The following SPECC1 variants were observed in gnomAD, a reference collection of about 807,000 sequenced individuals.
SPECC1 encodes cytospin-B.
SPECC1 carries 62 observed loss-of-function variants against 104.1 expected under a neutral mutation model. The ratio of observed to expected loss-of-function variants is 0.60; its 90% confidence interval spans 0.49 to 0.74. The LOEUF (loss-of-function observed/expected upper bound fraction) is 0.74, where lower values mean the gene tolerates loss of function less well. Among genes scored for constraint, SPECC1 ranks in the 30% least tolerant of loss-of-function variants. SPECC1 has a pLI of 0.00. For synonymous variants in SPECC1, 513 were observed against 501.6 expected, an observed-to-expected ratio of 1.02 and a Z score of -0.30; for missense variants, 1,306 against 1,310.5, an observed-to-expected ratio of 1.00 and a Z score of 0.05.
intron 3 of SPECC1, among the ~76,000 whole-genome samples, chr17:20,136,238 A>G (rs1337425687): frequency 6.6e-6 from 1 of 152,110 alleles, no homozygotes; most frequent in African/African-American, 2.4e-5. Flanking sequence ...ATCCTGACCA[A>G]CATAGTGAAA....
At chr17:20,210,156 C>A (rs180982508) in intron 4 of SPECC1, among the ~76,000 whole-genome samples, 140 of 152,260 alleles carry the variant, frequency 9.2e-4, no homozygotes, top group African/African-American at 3.2e-3. Context: ...AATAGATGAT[C>A]CTGTAGCTGT....
rs772201964 is a variant in SPECC1 at position 20,260,301 on chromosome 17, GA to G, written c.2940+8del. On this transcript the variant is annotated splice_region_variant and intron_variant, in intron 12 of 14. Coordinates refer to ENST00000395527, the MANE Select transcript of SPECC1 (RefSeq NM_001243439.2). ...GAAGACACAAGGTTATGCGGTAAGG[GA>G]CAACATCAGCCAACTTCCAGCTGCC... is the stretch of plus-strand genomic sequence containing the variant. 3 of 1,612,380 alleles carry G rather than the reference GA, an allele frequency of 1.9e-6. No individual in the cohort carries two copies. In the African/African-American group the frequency reaches 4.0e-5, roughly 22 times the overall value.
In SPECC1 at chr17:20,102,741, C is replaced by T. The variant is rs920994596; in HGVS notation, c.147+5943C>T. Among the ~76,000 whole-genome samples the T allele has an allele frequency of 2.6e-5, 4 of 152,152 alleles. No individual in the cohort carries two copies. The East Asian group carries it at 5.8e-4, about 22-fold the overall frequency. On this transcript the variant is annotated intron_variant, in intron 2 of 14. Transcript: ENST00000395527. ...GTTCTATTGTACTCTCTGGAATCCC[C>T]GTTGCATTGCGTTCATTTTTCCTAA...
intron 4 of SPECC1, among the ~76,000 whole-genome samples, chr17:20,216,252 G>C (rs1403446801): frequency 6.6e-6 from 1 of 151,900 alleles, no homozygotes; most frequent in African/African-American, 2.4e-5. Context: ...ATCTGCAGTC[G>C]GGGAGAGCAT....
At chr17:20,093,549 G>GC (rs1273496577) in intron 1 of SPECC1, among the ~76,000 whole-genome samples, 6 of 152,232 alleles carry the variant, frequency 3.9e-5, no homozygotes, top group Middle Eastern at 3.4e-3. Context: ...AGAGAGCCAG[G>GC]CTGAGGGGCT....
At position 20,315,092 on chromosome 17, in the gene SPECC1, G is replaced by A. The variant is rs1235507764; in HGVS notation, c.*1027G>A. 2 of 232,916 alleles carry A rather than the reference G, an allele frequency of 8.6e-6. No homozygotes were observed. The highest frequency in any genetic ancestry group is 1.2e-4 in the East Asian group (2 of 16,558). The allele number at this position is 232,916 out of a possible 1,614,324, so 14.4% of individuals were successfully genotyped here. ...TTGTACCCCACAGAACTTGACAGGAGGTCACATGTGTGAATGGCCTGTGTC... is the reference window on the plus strand; with the variant it reads ...TTGTACCCCACAGAACTTGACAGGAAGTCACATGTGTGAATGGCCTGTGTC... On this transcript the variant is annotated 3_prime_UTR_variant, in exon 15 of 15. Coordinates refer to ENST00000395527, the MANE Select transcript of SPECC1 (RefSeq NM_001243439.2).
chr17:20,096,760 T>G lies in SPECC1; in HGVS notation c.109T>G (p.Ser37Ala). 1 of 1,614,088 alleles carries G rather than the reference T, an allele frequency of 6.2e-7. No individual in the cohort carries two copies. The highest frequency in any genetic ancestry group is 1.3e-5 in the African/African-American group (1 of 75,020). The change falls in exon 2 of 15, where the codon TCT becomes GCT. Residue 37 changes from serine to alanine, a missense_variant. Coordinates refer to ENST00000395527, the MANE Select transcript of SPECC1 (RefSeq NM_001243439.2). ...CTCTTCCGGCATGAAGAGTTCTAAG[T>G]CTTCAACTTCCTTGGCTTTTGAGTC... ...AASSGMKSSK[S>A]STSLAFESRL...
intron 13 of SPECC1, among the ~76,000 whole-genome samples, chr17:20,298,980 G>GTGTGTGTGTGTGT (rs1567617368): frequency 2.8e-4 from 8 of 28,294 alleles, no homozygotes; most frequent in African/African-American, 9.8e-4. Context: ...TGTATGTAGA[G>GTGTGTGTGTGTGT]AGAGAGAGAG....
chr17:20,102,128 C>T (rs2047973130), intron 2 of SPECC1, among the ~76,000 whole-genome samples: 1 of 152,162 alleles, frequency 6.6e-6, no homozygotes, highest in Non-Finnish European at 1.5e-5. Flanking sequence ...GTGCTGTGGC[C>T]AGGAAACAAA....
chr17:20,231,676 G>T, intron 5 of SPECC1, 82 bp from the exon 6 acceptor site: 1 of 1,262,206 alleles, frequency 7.9e-7, no homozygotes, highest in Non-Finnish European at 1.2e-6. Context: ...ATCTGGAGCT[G>T]CCCCTTTCTT....
intron 12 of SPECC1, among the ~76,000 whole-genome samples, chr17:20,265,803 C>T (rs937743862): frequency 1.3e-5 from 2 of 152,208 alleles, no homozygotes; most frequent in Non-Finnish European, 2.9e-5. Flanking sequence ...TTTCTATCTT[C>T]TGCGTATGGT....
chr17:20,294,501 T>C (rs1196864628), intron 12 of SPECC1, among the ~76,000 whole-genome samples: 2 of 152,098 alleles, frequency 1.3e-5, no homozygotes, highest in African/African-American at 2.4e-5. Context: ...CCAGAGACAG[T>C]CTTGTAGGTC....
intron 3 of SPECC1, among the ~76,000 whole-genome samples, chr17:20,118,132 A>C (rs2048854893): frequency 6.6e-6 from 1 of 151,980 alleles, no homozygotes; most frequent in Non-Finnish European, 1.5e-5. Context: ...TAAATAAATA[A>C]ATAAAGCAAA....
At chr17:20,265,892 A>G (rs1397607872) in intron 12 of SPECC1, among the ~76,000 whole-genome samples, 2 of 152,138 alleles carry the variant, frequency 1.3e-5, no homozygotes, top group African/African-American at 4.8e-5. Context: ...TCAGATGATT[A>G]TAGGTTTGCA....
intron 3 of SPECC1, among the ~76,000 whole-genome samples, chr17:20,201,328 G>T (rs1255035595): frequency 6.6e-6 from 1 of 151,574 alleles, no homozygotes; most frequent in Non-Finnish European, 1.5e-5. Flanking sequence ...ACGAAATACA[G>T]TAAATTAGCC....
chr17:20,299,944 G>A (rs946974717), intron 13 of SPECC1, among the ~76,000 whole-genome samples: 1 of 152,182 alleles, frequency 6.6e-6, no homozygotes, highest in African/African-American at 2.4e-5. Context: ...TGGGATGATG[G>A]GAATGTTGTG....
chr17:20,113,074 A>G (rs2048573832), intron 3 of SPECC1: 1 of 717,588 alleles, frequency 1.4e-6, no homozygotes, highest in African/African-American at 1.8e-5. Flanking sequence ...AGTTGTCTAG[A>G]AGAAATAACA....
intron 3 of SPECC1, among the ~76,000 whole-genome samples, chr17:20,164,367 G>T (rs2033455893): frequency 6.6e-6 from 1 of 151,620 alleles, no homozygotes; most frequent in Admixed American, 6.6e-5. Context: ...GGGTCTCACT[G>T]TGTTGCCCAG....
intron 1 of SPECC1, among the ~76,000 whole-genome samples, chr17:20,070,801 A>C (rs1012296830): frequency 4.0e-5 from 6 of 151,422 alleles, no homozygotes; most frequent in Admixed American, 1.3e-4. Context: ...CTTGTCATTG[A>C]CATTTTCAAG....
Sources: allele counts gnomAD v4.1 joint callset (sites outside exome capture counted in the v4.1 genomes callset), GRCh38; gene constraint gnomAD v4.1.1; transcripts MANE v1.5; gene names NCBI Gene and HGNC (gene_info 2026-07-23, HGNC 2026-07-21).